Variants in ELL observed in about 807,000 individuals in gnomAD.
ELL encodes RNA polymerase II elongation factor ELL.
A neutral mutation model predicts 64.0 loss-of-function variants in ELL; 18 were observed. That is an observed-to-expected ratio of 0.28 (90% CI 0.19 to 0.42). The LOEUF (loss-of-function observed/expected upper bound fraction) is 0.42, where lower values mean the gene tolerates loss of function less well. Among genes scored for constraint, ELL ranks in the 10% least tolerant of loss-of-function variants. The pLI is 1.00. For missense variants in ELL, 797 were observed against 870.4 expected, an observed-to-expected ratio of 0.92 and a Z score of 1.06; for synonymous variants, 399 against 376.2, an observed-to-expected ratio of 1.06 and a Z score of -0.70.
chr19:18,499,075 G>C (rs1172087671), intron 1 of ELL, among the ~76,000 whole-genome samples: 1 of 152,204 alleles, frequency 6.6e-6, no homozygotes. Flanking sequence ...CAGGAGGGAA[G>C]CCTGGCCTCA....
intron 1 of ELL, among the ~76,000 whole-genome samples, chr19:18,504,460 C>G (rs4808135): frequency 0.32 from 48,510 of 152,132 alleles, 9,691 homozygotes; most frequent in African/African-American, 0.57. Context: ...ATGTACATCT[C>G]ATCCCTGTCA....
rs956052606 is a variant in ELL at position 18,510,045 on chromosome 19, G to C, written c.135+11876C>G. On this transcript the variant is annotated intron_variant, in intron 1 of 11. Coordinates refer to ENST00000262809, the MANE Select transcript of ELL (RefSeq NM_006532.4). ...AACCACCCTGGCCAACCTCACCCAAGGCCCTTCCTAACCCTCACTGCTTAC... is the reference window on the plus strand; with the variant it reads ...AACCACCCTGGCCAACCTCACCCAACGCCCTTCCTAACCCTCACTGCTTAC... Among the ~76,000 whole-genome samples, 4 of 152,172 alleles carry C rather than the reference G, an allele frequency of 2.6e-5. No homozygotes were observed. In the East Asian group the frequency reaches 7.7e-4, roughly 29 times the overall value.
chr19:18,472,545 G>A (rs1975085107), intron 2 of ELL: 1 of 427,060 alleles, frequency 2.3e-6, no homozygotes, highest in Non-Finnish European at 4.2e-6. Context: ...GCTGGGGGTT[G>A]GGGGCCCCTG....
chr19:18,503,828 C>T (rs982892845), intron 1 of ELL, among the ~76,000 whole-genome samples: 1 of 152,182 alleles, frequency 6.6e-6, no homozygotes, highest in African/African-American at 2.4e-5. Context: ...TGGATGAGGG[C>T]CCACGGGACT....
chr19:18,508,343 T>C (rs1465070644), intron 1 of ELL, among the ~76,000 whole-genome samples: 1 of 152,070 alleles, frequency 6.6e-6, no homozygotes, highest in East Asian at 1.9e-4. Flanking sequence ...TAAAATAAAA[T>C]ACAATACAAG....
Position 18,446,860 on chromosome 19 carries a change from G to C in ELL, c.1466-46C>G, listed in dbSNP as rs576566231. 3 of 1,607,878 alleles carry C rather than the reference G, an allele frequency of 1.9e-6. No individual in the cohort carries two copies. In the Admixed American group the frequency reaches 5.0e-5, roughly 27 times the overall value. On this transcript the variant is annotated intron_variant, in intron 8 of 11. Transcript: ENST00000262809. The stretch of plus-strand genomic sequence containing the variant: ...CTCCTGAGTCTGCGCCCATGGCACC[G>C]GTCGGCAGGAAGCACGCCAGGATGG...
chr19:18,483,162 C>G (rs891018196), intron 1 of ELL, among the ~76,000 whole-genome samples: 1 of 152,160 alleles, frequency 6.6e-6, no homozygotes, highest in Non-Finnish European at 1.5e-5. Flanking sequence ...CCCAAACTAG[C>G]AGCTCTGGGT....
intron 5 of ELL, 115 bp from the exon 6 acceptor site, chr19:18,458,444 A>G: frequency 1.3e-6 from 2 of 1,488,624 alleles, no homozygotes; most frequent in Non-Finnish European, 1.8e-6. Flanking sequence ...GGAGACAGAC[A>G]GAGACAGAGG....
intron 5 of ELL, among the ~76,000 whole-genome samples, chr19:18,461,270 A>C (rs1974807845): frequency 1.3e-5 from 2 of 152,350 alleles, no homozygotes; most frequent in African/African-American, 4.8e-5. Context: ...CTGAAGCCTG[A>C]ATCCACTGTG....
chr19:18,520,694 TCCTC>T (rs1976247437), intron 1 of ELL, among the ~76,000 whole-genome samples: 1 of 149,960 alleles, frequency 6.7e-6, no homozygotes, highest in African/African-American at 2.5e-5. Context: ...TTAGTCTCCC[TCCTC>T]CCCCGCCCGC....
intron 1 of ELL, among the ~76,000 whole-genome samples, chr19:18,474,724 AC>A (rs961654385): frequency 1.2e-4 from 18 of 152,218 alleles, no homozygotes; most frequent in Non-Finnish European, 2.5e-4. Flanking sequence ...CTAGCCCTGT[AC>A]CCCAAAACAC....
chr19:18,518,566 G>C (rs993035471), intron 1 of ELL, among the ~76,000 whole-genome samples: 2 of 151,586 alleles, frequency 1.3e-5, no homozygotes, highest in Non-Finnish European at 2.9e-5. Flanking sequence ...GAGGCAGATG[G>C]ATCACTTGAG....
chr19:18,506,534 C>T (rs546408987), intron 1 of ELL, among the ~76,000 whole-genome samples: 2 of 152,332 alleles, frequency 1.3e-5, no homozygotes, highest in South Asian at 4.1e-4. Flanking sequence ...TGAGACCAGG[C>T]TGAGCAACAC....
At chr19:18,503,284 G>A (rs997058261) in intron 1 of ELL, among the ~76,000 whole-genome samples, 1 of 152,234 alleles carries the variant, frequency 6.6e-6, no homozygotes, top group Non-Finnish European at 1.5e-5. Flanking sequence ...GGTGATAAGT[G>A]GGATGAAAAG....
At chr19:18,447,944 C>T (rs956815653) in intron 8 of ELL, among the ~76,000 whole-genome samples, 1 of 151,898 alleles carries the variant, frequency 6.6e-6, no homozygotes, top group African/African-American at 2.4e-5. Context: ...GCCACCATGC[C>T]CAGCTAATTA....
chr19:18,455,709 C>T (rs1052037757), intron 6 of ELL, among the ~76,000 whole-genome samples: 2 of 150,820 alleles, frequency 1.3e-5, no homozygotes, highest in Non-Finnish European at 3.0e-5. Context: ...AACACTCTGT[C>T]TCAAGAAAAA....
chr19:18,454,353 G>T (rs1974607645), intron 6 of ELL, among the ~76,000 whole-genome samples: 2 of 152,104 alleles, frequency 1.3e-5, no homozygotes, highest in Non-Finnish European at 2.9e-5. Flanking sequence ...CAAAAAATTA[G>T]CCGGGCATGG....
In ELL at chr19:18,461,630, T is replaced by C. The variant is rs1219810418; in HGVS notation, c.692A>G (p.Lys231Arg). The change falls in exon 5 of 12, where the codon AAG (lysine) becomes AGG (arginine). Residue 231 changes from lysine to arginine, a missense_variant. Lys to Arg is a conservative substitution (Grantham distance 26). Transcript: ENST00000262809. ...CTTGTCCGCCTGCGTCAGGCCGTCC[T>C]TCTGCAGTCGCAGCAGCAGCTCAGC... is the stretch of plus-strand genomic sequence containing the variant. Reference protein sequence around the residue: ...RKAELLLRLQKDGLTQADKDA... With the variant: ...RKAELLLRLQRDGLTQADKDA... 6.2e-7 allele frequency: 1 copy of C among 1,610,950 alleles called. No individual in the cohort carries two copies. The highest frequency in any genetic ancestry group is 1.7e-4 in the Middle Eastern group (1 of 6,050).
intron 1 of ELL, among the ~76,000 whole-genome samples, chr19:18,486,009 CT>C (rs2144948137): frequency 6.6e-6 from 1 of 151,930 alleles, no homozygotes; most frequent in African/African-American, 2.4e-5. Context: ...AGAAAGCAAG[CT>C]ACGGGGATGA....
Sources: allele counts gnomAD v4.1 joint callset (sites outside exome capture counted in the v4.1 genomes callset), GRCh38; gene constraint gnomAD v4.1.1; transcripts MANE v1.5; gene names NCBI Gene and HGNC (gene_info 2026-07-23, HGNC 2026-07-21).